Variants in SNX31 observed in about 807,000 individuals in gnomAD.
The protein encoded by SNX31 is sorting nexin-31.
A neutral mutation model predicts 65.4 loss-of-function variants in SNX31; 58 were observed. That is an observed-to-expected ratio of 0.89 (90% CI 0.72 to 1.10). The LOEUF is 1.10. Among genes scored for constraint, SNX31 ranks in the 50% least tolerant of loss-of-function variants. The pLI is 0.00. For missense variants in SNX31, 523 were observed against 529.7 expected (o/e 0.99, Z 0.12); for synonymous variants, 181 against 190.1 (o/e 0.95, Z 0.39).
chr8:100,577,808 G>C (rs1813172003), intron 12 of SNX31, among the ~76,000 whole-genome samples: 1 of 152,154 alleles, frequency 6.6e-6, no homozygotes, highest in African/African-American at 2.4e-5. Flanking sequence ...TCAGTAGAGA[G>C]ACATTCCAGC....
chr8:100,641,222 C>T (rs1819151835), intron 2 of SNX31, among the ~76,000 whole-genome samples: 1 of 152,020 alleles, frequency 6.6e-6, no homozygotes, highest in African/African-American at 2.4e-5. Flanking sequence ...CTGTTGTTCA[C>T]CTGATCCTCA....
intron 4 of SNX31, among the ~76,000 whole-genome samples, chr8:100,627,833 G>A (rs1338070924): frequency 1.3e-5 from 2 of 151,994 alleles, no homozygotes; most frequent in Non-Finnish European, 2.9e-5. Flanking sequence ...CACAGCACCC[G>A]GGCATTAAAA....
At chr8:100,621,353 G>T (rs369218136) in intron 4 of SNX31, among the ~76,000 whole-genome samples, 9 of 152,170 alleles carry the variant, frequency 5.9e-5, no homozygotes, top group African/African-American at 1.9e-4. Flanking sequence ...CTATATGGCT[G>T]CCCTAGCTCT....
chr8:100,611,998 A>G lies in SNX31; in HGVS notation c.611+2T>C. The G allele has an allele frequency of 6.2e-7, 1 of 1,613,106 alleles. No homozygotes were observed. The highest frequency in any genetic ancestry group is 8.5e-7 in the Non-Finnish European group (1 of 1,179,108). The stretch of plus-strand genomic sequence containing the variant: ...CCTCTGTCACTTTCAGAACCTACTT[A>G]CCACTTTCGGAGTCCAACCTTACAG... On this transcript the variant is annotated splice_donor_variant, in intron 7 of 13. Coordinates refer to ENST00000311812, the MANE Select transcript of SNX31 (RefSeq NM_152628.4). LOFTEE classifies it high-confidence loss of function.
chr8:100,618,365 C>G, intron 4 of SNX31: 1 of 1,533,166 alleles, frequency 6.5e-7, no homozygotes, highest in East Asian at 2.4e-5. Context: ...CCCTAAAGCC[C>G]ATATCCCTGA....
intron 13 of SNX31, among the ~76,000 whole-genome samples, chr8:100,574,222 G>C (rs547061899): frequency 2.5e-4 from 38 of 152,260 alleles, no homozygotes; most frequent in African/African-American, 8.7e-4. Context: ...ATATCACCCA[G>C]GTTAACATTT....
At chr8:100,608,375 G>A (rs1816380458) in intron 8 of SNX31, 119 bp downstream of exon 8, 1 of 848,466 alleles carries the variant, frequency 1.2e-6, no homozygotes, top group African/African-American at 1.7e-5. Flanking sequence ...CTGTCTCTAT[G>A]AATGTGCCTG....
intron 4 of SNX31, among the ~76,000 whole-genome samples, chr8:100,623,008 G>C (rs1281099063): frequency 2.6e-5 from 4 of 152,170 alleles, no homozygotes; most frequent in African/African-American, 9.7e-5. Flanking sequence ...CTACTGGTTT[G>C]TATTTCTCTG....
intron 12 of SNX31, 58 bp from the exon 13 acceptor site, chr8:100,577,133 A>G: frequency 7.0e-7 from 1 of 1,437,184 alleles, no homozygotes; most frequent in East Asian, 2.3e-5. Flanking sequence ...CACACAAACA[A>G]TCTATTTAAC....
chr8:100,649,384 G>A, intron 1 of SNX31, 36 bp from the exon 2 acceptor site: 2 of 1,611,892 alleles, frequency 1.2e-6, no homozygotes, highest in Non-Finnish European at 1.7e-6. Flanking sequence ...CTGGTGAGCC[G>A]AGGGATAAGT....
At chr8:100,586,722 C>A (rs1563516990) in intron 11 of SNX31, among the ~76,000 whole-genome samples, 1 of 152,152 alleles carries the variant, frequency 6.6e-6, no homozygotes, top group East Asian at 1.9e-4. Flanking sequence ...TTTCAGAGGA[C>A]TTTGATATAA....
intron 2 of SNX31, among the ~76,000 whole-genome samples, chr8:100,641,595 T>TATACAC (rs1241411821): frequency 2.7e-4 from 6 of 22,102 alleles, no homozygotes; most frequent in African/African-American, 3.1e-4. Flanking sequence ...TATATATATA[T>TATACAC]ACACATACAC....
chr8:100,661,914 T>C (rs1210097056), intron 1 of SNX31, among the ~76,000 whole-genome samples: 1 of 152,100 alleles, frequency 6.6e-6, no homozygotes, highest in East Asian at 1.9e-4. Context: ...AACCTCTGCC[T>C]TCCAGGCTCA....
In SNX31 at chr8:100,575,089, T is replaced by C. The variant is rs1476656891; in HGVS notation, c.1228-1129A>G. Among the ~76,000 whole-genome samples the C allele has an allele frequency of 1.3e-5, 2 of 152,214 alleles. No homozygotes were observed. The highest frequency in any genetic ancestry group is 2.4e-5 in the African/African-American group (1 of 41,458). ...AAAAAAAAAATGTGGAGCCCCTCAG[T>C]GGGCAGATGGGCTACAACTTTTTTT... On this transcript the variant is annotated intron_variant, in intron 13 of 13. Coordinates refer to ENST00000311812, the MANE Select transcript of SNX31 (RefSeq NM_152628.4). The surrounding 1 kb of genome is among the most constrained non-coding windows in gnomAD (Gnocchi z 5.1).
In SNX31 at chr8:100,648,816, G is replaced by A. The variant is rs1819826337; in HGVS notation, c.141+458C>T. 6.6e-6 allele frequency among the ~76,000 whole-genome samples: 1 copy of A among 152,184 alleles called. No individual in the cohort carries two copies. The highest frequency in any genetic ancestry group is 2.4e-5 in the African/African-American group (1 of 41,434). ...CTAGAGACACACCTTTTTAAAGGGG[G>A]CAAACTTAAGAAACTCTCGAGACAA... On this transcript the variant is annotated intron_variant, in intron 2 of 13. Transcript: ENST00000311812. The surrounding 1 kb of genome is among the most constrained non-coding windows in gnomAD (Gnocchi z 4.3).
intron 2 of SNX31, 76 bp downstream of exon 2, chr8:100,649,197 AG>A: frequency 6.9e-7 from 1 of 1,450,218 alleles, no homozygotes; most frequent in Non-Finnish European, 9.7e-7. Context: ...CCAGAGTCAG[AG>A]GAACAGAGCG....
Position 100,578,765 on chromosome 8 carries a change from A to G in SNX31, c.1171-1690T>C, listed in dbSNP as rs1311719959. Among the ~76,000 whole-genome samples the G allele has an allele frequency of 6.6e-6, 1 of 150,786 alleles. No homozygotes were observed. The highest frequency in any genetic ancestry group is 2.5e-5 in the African/African-American group (1 of 40,768). On this transcript the variant is annotated intron_variant, in intron 12 of 13. Coordinates refer to ENST00000311812, the MANE Select transcript of SNX31 (RefSeq NM_152628.4). This position sits in a 1 kb window ranked among gnomAD's most constrained non-coding sequence, Gnocchi z 4.7. ...GAGACAGAGTCTCGCTGTGTTGCCC[A>G]GGCTAGAGTGCAGTGGCACAATCTT... is the stretch of plus-strand genomic sequence containing the variant.
In SNX31 at chr8:100,573,892, A is replaced by C. The variant is rs201163996; in HGVS notation, c.1296T>G (p.Phe432Leu). The C allele has an allele frequency of 2.4e-5, 38 of 1,580,594 alleles. 1 individual carries two copies. Among genetic ancestry groups the C allele is most frequent in the South Asian group, 1.9e-4 (16 of 86,430 alleles). The change falls in exon 14 of 14, where the codon TTT (phenylalanine) becomes TTG (leucine). Residue 432 changes from phenylalanine (F) to leucine (L), a missense_variant. Coordinates refer to ENST00000311812, the MANE Select transcript of SNX31 (RefSeq NM_152628.4). Reference protein sequence around the residue: ...KIKIAKDDCVFGNIKEEDL With the variant: ...KIKIAKDDCVLGNIKEEDL ...AGAGATCTTCTTCCTTTATGTTCCC[A>C]AAAACGCAGTCATCTTTAGCTATCT...
At chr8:100,598,720 A>ATT (rs1295036943) in intron 9 of SNX31, among the ~76,000 whole-genome samples, 1 of 152,226 alleles carries the variant, frequency 6.6e-6, no homozygotes, top group Non-Finnish European at 1.5e-5. Flanking sequence ...GTATGTTTAT[A>ATT]TTAATATATT....
Sources: allele counts gnomAD v4.1 joint callset (sites outside exome capture counted in the v4.1 genomes callset), GRCh38; gene constraint gnomAD v4.1.1; non-coding constraint Gnocchi (gnomAD v3.1); transcripts MANE v1.5; gene names NCBI Gene and HGNC (gene_info 2026-07-23, HGNC 2026-07-21).